Variants in ATAD3B observed in about 807,000 individuals in gnomAD.
The protein encoded by ATAD3B is ATPase family AAA domain-containing protein 3B.
ATAD3B carries 59 observed loss-of-function variants against 70.2 expected under a neutral mutation model. That is an observed-to-expected ratio of 0.84 (90% CI 0.68 to 1.04). The LOEUF (loss-of-function observed/expected upper bound fraction) is 1.04. ATAD3B is among the 50% of genes least tolerant of loss of function. ATAD3B has a pLI of 0.00. For missense variants in ATAD3B, 961 were observed against 913.4 expected (o/e 1.05, Z -0.67); for synonymous variants, 423 against 388.6 (o/e 1.09, Z -1.04).
chr1:1,495,345 A>G (rs112581151), intron 15 of ATAD3B, 140 bp from the exon 16 acceptor site: 27,078 of 1,182,152 alleles, frequency 0.023, 677 homozygotes, highest in African/African-American at 0.11. Flanking sequence ...GGGCTCTGCC[A>G]AGGTGTGGGA....
chr1:1,477,445 C>G, intron 2 of ATAD3B, 95 bp downstream of exon 2: 2 of 1,576,778 alleles, frequency 1.3e-6, no homozygotes, highest in South Asian at 2.2e-5. Context: ...GGGCCAGGGG[C>G]GTGTACATGG....
chr1:1,486,126 G>A lies in ATAD3B; in HGVS notation c.980G>A (p.Arg327Gln), dbSNP rs755385563. The change falls in exon 10 of 16, where the codon CGG becomes CAG. Residue 327 changes from arginine to glutamine, a missense_variant. Arg to Gln is a conservative substitution (Grantham distance 43). Coordinates refer to ENST00000673477, the MANE Select transcript of ATAD3B (RefSeq NM_031921.6). ...CCCCGGCAGCCCAGCCTGGAAGCAC[G>A]GGTGCGCGACATCGCCATAGCAACC... ...GVVLSPSLEA[R>Q]VRDIAIATRN... 4.3e-6 allele frequency: 7 copies of A among 1,613,062 alleles called. No individual in the cohort carries two copies. Among genetic ancestry groups the A allele is most frequent in the South Asian group, 3.3e-5 (3 of 91,018 alleles).
At position 1,490,432 on chromosome 1, in the gene ATAD3B, T is replaced by C. The variant is rs1355471681; in HGVS notation, c.1505+8T>C. 1 of 1,612,844 alleles carries C rather than the reference T, an allele frequency of 6.2e-7. No individual in the cohort carries two copies. Among genetic ancestry groups the C allele is most frequent in the Non-Finnish European group, 8.5e-7 (1 of 1,179,492 alleles). On this transcript the variant is annotated splice_region_variant and intron_variant, in intron 14 of 15. Transcript: ENST00000673477. ...GGCCACAGAAGGAAAACGGTGAGTG[T>C]CCCGCCTCACCCGGCCCCCAATCCA...
chr1:1,503,780 G>C, the ATAD3B span: 77 of 1,435,642 alleles, frequency 5.4e-5, no homozygotes, highest in Admixed American at 1.4e-4. Flanking sequence ...GCAGTGGGGT[G>C]CAGGGCCGAG....
chr1:1,483,136 GAAAA>G (rs753675650), intron 7 of ATAD3B: 6 of 383,998 alleles, frequency 1.6e-5, no homozygotes, highest in African/African-American at 2.2e-5. Context: ...CTAAAAAAAA[GAAAA>G]AAAAAGAAAA....
chr1:1,492,683 T>C (rs981862598), intron 15 of ATAD3B, among the ~76,000 whole-genome samples: 2 of 151,836 alleles, frequency 1.3e-5, no homozygotes, highest in African/African-American at 2.4e-5. Context: ...CTTATGCCTC[T>C]AATCCCAGCA....
chr1:1,485,634 G>A (rs567311493), intron 8 of ATAD3B, 148 bp from the exon 9 acceptor site: 19 of 1,323,102 alleles, frequency 1.4e-5, no homozygotes, highest in East Asian at 7.6e-5. Context: ...CTGGTCTCCC[G>A]GCGGGGCAGG....
At chr1:1,484,356 T>C (rs1245957182) in intron 7 of ATAD3B, 2 of 152,062 alleles carry the variant, frequency 1.3e-5, no homozygotes, top group Non-Finnish European at 2.9e-5. Context: ...AATTTTTTTG[T>C]ATTTTTAGTA....
At chr1:1,505,270 G>GGAGA in the ATAD3B span, among the ~76,000 whole-genome samples, 2 of 152,090 alleles carry the variant, frequency 1.3e-5, no homozygotes, top group Admixed American at 6.6e-5. Flanking sequence ...AGGGAGGGAG[G>GGAGA]GAGAGAGAGA....
downstream of ATAD3B, among the ~76,000 whole-genome samples, chr1:1,501,117 C>T (rs1358329852): frequency 6.6e-6 from 1 of 152,102 alleles, no homozygotes; most frequent in East Asian, 1.9e-4. Flanking sequence ...GAGATGGAGT[C>T]TTACTCTGTC....
the ATAD3B span, among the ~76,000 whole-genome samples, chr1:1,508,967 T>C: frequency 1.3e-5 from 2 of 151,154 alleles, no homozygotes; most frequent in African/African-American, 2.5e-5. Flanking sequence ...TTTCTATTAT[T>C]AGAAAGTCAT....
downstream of ATAD3B, among the ~76,000 whole-genome samples, chr1:1,500,243 G>C (rs1450354934): frequency 2.0e-5 from 3 of 149,218 alleles, no homozygotes; most frequent in Non-Finnish European, 4.5e-5. Flanking sequence ...GAAAACCTTG[G>C]GAGTTTGGGA....
At position 1,479,372 on chromosome 1, in the gene ATAD3B, GCACACACACCCCTGCACACATGGGCA is replaced by G. The variant is rs1231796704; in HGVS notation, c.444+285_444+310del. Among the ~76,000 whole-genome samples the G allele has an allele frequency of 8.3e-5, 12 of 144,250 alleles. 1 individual carries two copies. The East Asian group carries it at 1.1e-3, about 13-fold the overall frequency. 94.6% of individuals were successfully genotyped at this position (144,250 alleles called of 152,430 possible). On this transcript the variant is annotated intron_variant, in intron 4 of 15. Coordinates refer to ENST00000673477, the MANE Select transcript of ATAD3B (RefSeq NM_031921.6). ...TCGCACACACACTCCCGGCAGACAG[GCACACACACCCCTGCACACATGGGCA>G]CACACACACCCCTGCACACACGGGC...
chr1:1,496,031 G>T lies in ATAD3B; in HGVS notation c.*214G>T, dbSNP rs1345169052. 5.2e-6 allele frequency: 7 copies of T among 1,334,806 alleles called. No homozygotes were observed. The highest frequency in any genetic ancestry group is 2.2e-5 in the South Asian group (1 of 45,300). 82.7% of individuals were successfully genotyped at this position (1,334,806 alleles called of 1,614,324 possible). On this transcript the variant is annotated 3_prime_UTR_variant, in exon 16 of 16. Coordinates refer to ENST00000673477, the MANE Select transcript of ATAD3B (RefSeq NM_031921.6). ...GCTCCCACAGCAGAGCCAGGTGAGG[G>T]GGGGCCTGCCAGGACTAGACAGAAG...
At chr1:1,482,339 G>A (rs745781786) in intron 6 of ATAD3B, 36 bp downstream of exon 6, 9 of 1,548,510 alleles carry the variant, frequency 5.8e-6, no homozygotes, top group Admixed American at 4.0e-5. Flanking sequence ...GCCACAGATG[G>A]AGCCCCGCAG....
chr1:1,503,481 G>A, the ATAD3B span: 21 of 1,119,422 alleles, frequency 1.9e-5, no homozygotes, highest in Non-Finnish European at 2.0e-5. Flanking sequence ...CTTTGAGGTC[G>A]AGGCGTGGCC....
In ATAD3B at chr1:1,482,287, G is replaced by A. The variant is rs532582112; in HGVS notation, c.664G>A (p.Val222Ile). The stretch of plus-strand genomic sequence containing the variant: ...GAAGGCGTCCGAGCACCGTCAGACC[G>A]TCTTGGAGTCCATCAGGTGAGCACT... ...RLKASEHRQTVLESIRTAGTL... is the reference protein window; with the variant it reads ...RLKASEHRQTILESIRTAGTL... The change falls in exon 6 of 16, where the codon GTC becomes ATC. Residue 222 changes from valine (V) to isoleucine (I), a missense_variant. Val to Ile is a conservative substitution (Grantham distance 29). Coordinates refer to ENST00000673477, the MANE Select transcript of ATAD3B (RefSeq NM_031921.6). 4.7e-5 allele frequency: 75 copies of A among 1,607,722 alleles called. 2 individuals are homozygous for A. The Admixed American group carries it at 6.5e-4, about 14-fold the overall frequency.
chr1:1,502,506 C>CCTTTTTTTT (rs1379870850), downstream of ATAD3B, among the ~76,000 whole-genome samples: 1 of 113,732 alleles, frequency 8.8e-6, no homozygotes, highest in African/African-American at 4.5e-5. Flanking sequence ...CCGTGCCCAG[C>CCTTTTTTTT]ATTTTTTTTT....
At position 1,485,153 on chromosome 1, in the gene ATAD3B, G is replaced by T; in HGVS notation, c.888G>T (p.Ala296=). ...CGTCCCGCATCACGGTGCTGGAGGC[G>T]CTGCGGCACCCCATCCAGGTAGCGG... is the stretch of plus-strand genomic sequence containing the variant. ...RETSRITVLE[A]LRHPIQVSRR... The change falls in exon 8 of 16, where the codon GCG becomes GCT. Residue 296 remains alanine, a synonymous_variant. Coordinates refer to ENST00000673477, the MANE Select transcript of ATAD3B (RefSeq NM_031921.6). 2 of 1,610,384 alleles carry T rather than the reference G, an allele frequency of 1.2e-6. No individual in the cohort carries two copies. The highest frequency in any genetic ancestry group is 1.7e-6 in the Non-Finnish European group (2 of 1,179,486).
Sources: allele counts gnomAD v4.1 joint callset (sites outside exome capture counted in the v4.1 genomes callset), GRCh38; gene constraint gnomAD v4.1.1; transcripts MANE v1.5; gene names NCBI Gene and HGNC (gene_info 2026-07-23, HGNC 2026-07-21).